IGSF23: variants seen among roughly 807,000 people sequenced by gnomAD.
The protein encoded by IGSF23 is immunoglobulin superfamily member 23, also known as immunoglobulin superfamily, member 23.
A neutral mutation model predicts 17.8 loss-of-function variants in IGSF23; 14 were observed. The observed-to-expected ratio is 0.79, with a 90% CI of 0.52 to 1.23. The LOEUF (loss-of-function observed/expected upper bound fraction) is 1.23. IGSF23 is among the 50% of genes most tolerant of loss of function. The probability of loss-of-function intolerance (pLI) is 0.00; values close to 1 mark genes in which losing one functional copy is unlikely to be tolerated. For missense variants in IGSF23, 214 were observed against 241.7 expected, an observed-to-expected ratio of 0.89 and a Z score of 0.76; for synonymous variants, 85 against 92.5, an observed-to-expected ratio of 0.92 and a Z score of 0.46.
intron 1 of IGSF23, among the ~76,000 whole-genome samples, chr19:44,620,441 A>G (rs1972494382): frequency 6.7e-6 from 1 of 150,216 alleles, no homozygotes; most frequent in Non-Finnish European, 1.5e-5. Flanking sequence ...ATCTCGGCTC[A>G]CTACAACCTC....
At position 44,636,669 on chromosome 19, in the gene IGSF23, G is replaced by C. The variant is rs551068839; in HGVS notation, c.*282G>C. 1.1e-4 allele frequency: 16 copies of C among 152,258 alleles called. No homozygotes were observed. The highest frequency in any genetic ancestry group is 3.8e-4 in the African/African-American group (16 of 41,560). The allele number at this position is 152,258 out of a possible 1,614,324, so 9.4% of individuals were successfully genotyped here. A position where few individuals can be genotyped will look rare whatever the true frequency, so the allele number is the denominator to read the frequency against. Reference sequence around the variant, plus strand: ...GTGGGAGCTCAGTGCTCAGAAAACAGGGGGGAGGTTTTACCTTGGAAATTG... The same window carrying C: ...GTGGGAGCTCAGTGCTCAGAAAACACGGGGGAGGTTTTACCTTGGAAATTG... On this transcript the variant is annotated 3_prime_UTR_variant, in exon 5 of 5. Coordinates refer to ENST00000402988, the MANE Select transcript of IGSF23 (RefSeq NM_001205280.2).
At chr19:44,625,987 A>C (rs1972638296) in intron 2 of IGSF23, among the ~76,000 whole-genome samples, 1 of 152,164 alleles carries the variant, frequency 6.6e-6, no homozygotes, top group African/African-American at 2.4e-5. Flanking sequence ...AGCCATGTGG[A>C]ACTGGGAGTC....
At chr19:44,625,160 T>TA (rs1399516697) in intron 2 of IGSF23, among the ~76,000 whole-genome samples, 2 of 152,158 alleles carry the variant, frequency 1.3e-5, no homozygotes, top group Admixed American at 1.3e-4. Context: ...GCCAGTGCCT[T>TA]GACTTCTCTG....
intron 2 of IGSF23, among the ~76,000 whole-genome samples, chr19:44,626,783 A>T (rs1250778011): frequency 6.6e-6 from 1 of 152,068 alleles, no homozygotes. Flanking sequence ...TTAGCTGGGA[A>T]TGGTGGCATG....
chr19:44,624,435 C>A (rs147191944), intron 2 of IGSF23, among the ~76,000 whole-genome samples: 85 of 152,068 alleles, frequency 5.6e-4, no homozygotes, highest in African/African-American at 2.0e-3. Context: ...CAGGCATGCA[C>A]CACCACATCT....
intron 1 of IGSF23, chr19:44,617,957 G>C: frequency 2.6e-6 from 1 of 383,448 alleles, no homozygotes. Context: ...TCAGGCAGCA[G>C]AGTGGAGCAG....
intron 2 of IGSF23, among the ~76,000 whole-genome samples, chr19:44,624,899 CAAAAAAAAAA>C (rs71171273): frequency 2.1e-4 from 18 of 87,734 alleles, no homozygotes; most frequent in Admixed American, 2.2e-4. Context: ...CTGTCTCTAC[CAAAAAAAAAA>C]AAAAAAAAAA....
intron 3 of IGSF23, among the ~76,000 whole-genome samples, chr19:44,631,981 C>CGG (rs554930357): frequency 3.9e-5 from 6 of 152,030 alleles, no homozygotes; most frequent in African/African-American, 1.4e-4. Flanking sequence ...CCAGGTTTTG[C>CGG]GGGGGGGCCT....
At chr19:44,621,493 A>G (rs183049692) in intron 1 of IGSF23, among the ~76,000 whole-genome samples, 1 of 150,986 alleles carries the variant, frequency 6.6e-6, no homozygotes, top group East Asian at 2.0e-4. Context: ...TACAAAAAAT[A>G]GCTGGATGTA....
intron 3 of IGSF23, among the ~76,000 whole-genome samples, chr19:44,629,690 G>A (rs1190076540): frequency 1.5e-5 from 2 of 137,666 alleles, no homozygotes; most frequent in African/African-American, 2.8e-5. Flanking sequence ...CTGGAGTGCA[G>A]TGGTGCAATC....
At chr19:44,628,090 G>A (rs1313814097) in intron 3 of IGSF23, among the ~76,000 whole-genome samples, 9 of 151,990 alleles carry the variant, frequency 5.9e-5, no homozygotes, top group Non-Finnish European at 2.9e-5. Flanking sequence ...GATTACAGGT[G>A]CATACCACCA....
chr19:44,626,920 C>CAAA (rs35293009), intron 2 of IGSF23, among the ~76,000 whole-genome samples: 5 of 103,848 alleles, frequency 4.8e-5, no homozygotes, highest in Admixed American at 2.9e-4. Flanking sequence ...GACTCTGTCT[C>CAAA]AAAAAAAAAA....
chr19:44,633,391 C>A (rs1182504449), intron 3 of IGSF23, among the ~76,000 whole-genome samples: 3 of 152,298 alleles, frequency 2.0e-5, no homozygotes, highest in African/African-American at 7.2e-5. Flanking sequence ...AAATTTTTTT[C>A]TAGTCTCATG....
At chr19:44,627,931 G>A (rs529158635) in intron 3 of IGSF23, among the ~76,000 whole-genome samples, 21 of 149,416 alleles carry the variant, frequency 1.4e-4, no homozygotes, top group African/African-American at 5.1e-4. Context: ...GTTGTTGTGA[G>A]TGAATTTTTC....
chr19:44,625,316 G>A lies in IGSF23; in HGVS notation c.391+1344G>A, dbSNP rs117183783. ...GAACACTAATGAGTGCTCAATAACCGTGAGCCAATAACACTGTTGCAATTA... is the reference window on the plus strand; with the variant it reads ...GAACACTAATGAGTGCTCAATAACCATGAGCCAATAACACTGTTGCAATTA... On this transcript the variant is annotated intron_variant, in intron 2 of 4. Coordinates refer to ENST00000402988, the MANE Select transcript of IGSF23 (RefSeq NM_001205280.2). Among the ~76,000 whole-genome samples the A allele has an allele frequency of 5.8e-3, 879 of 152,238 alleles. 19 individuals carry two copies. The highest frequency in any genetic ancestry group is 0.04 in the Admixed American group (605 of 15,292).
chr19:44,617,707 G>C (rs963448360), intron 1 of IGSF23, among the ~76,000 whole-genome samples: 3 of 152,124 alleles, frequency 2.0e-5, no homozygotes, highest in Non-Finnish European at 4.4e-5. Context: ...TGAGGGGTTG[G>C]GTAGGAGTAA....
At chr19:44,630,417 C>A (rs1374951055) in intron 3 of IGSF23, among the ~76,000 whole-genome samples, 1 of 152,240 alleles carries the variant, frequency 6.6e-6, no homozygotes, top group Admixed American at 6.5e-5. Flanking sequence ...CTCAGAAAAG[C>A]TCATTAACTT....
rs969455422 is a variant in IGSF23, at chr19:44,615,015, C to T, written c.125+1245C>T. Among the ~76,000 whole-genome samples, 18 of 152,232 alleles carry T rather than the reference C, an allele frequency of 1.2e-4. 1 individual carries two copies. The highest frequency in any genetic ancestry group is 4.3e-4 in the African/African-American group (18 of 41,544). ...CTTAAAAGTTCACTTCTGAGTTGGG[C>T]GCGGTGACTCACACCTGTAATCCCA... is the stretch of plus-strand genomic sequence containing the variant. On this transcript the variant is annotated intron_variant, in intron 1 of 4. Coordinates refer to ENST00000402988, the MANE Select transcript of IGSF23 (RefSeq NM_001205280.2).
Position 44,636,494 on chromosome 19 carries a change from T to C in IGSF23, c.*107T>C, listed in dbSNP as rs1972891662. 1 of 152,186 alleles carries C rather than the reference T, an allele frequency of 6.6e-6. No individual in the cohort carries two copies. The highest frequency in any genetic ancestry group is 2.1e-4 in the South Asian group (1 of 4,818). The allele number at this position is 152,186 out of a possible 1,614,324, so 9.4% of individuals were successfully genotyped here. A position where few individuals can be genotyped will look rare whatever the true frequency, so the allele number is the denominator to read the frequency against. ...AGCTTCCAAGTCTACAACATCTCTGTTCAAGGGAACAACCCAACGTAACCA... is the reference window on the plus strand; with the variant it reads ...AGCTTCCAAGTCTACAACATCTCTGCTCAAGGGAACAACCCAACGTAACCA... On this transcript the variant is annotated 3_prime_UTR_variant, in exon 5 of 5. Coordinates refer to ENST00000402988, the MANE Select transcript of IGSF23 (RefSeq NM_001205280.2).
Sources: gnomAD v4.1 joint callset for allele counts (sites outside exome capture counted in the v4.1 genomes callset) on GRCh38, gnomAD v4.1.1 for gene constraint, MANE v1.5 for transcripts, NCBI Gene and HGNC (gene_info 2026-07-23, HGNC 2026-07-21) for gene names.